KIAA0586: variants seen among roughly 807,000 people sequenced by gnomAD.
KIAA0586 encodes KIAA0586.
In KIAA0586, 144 loss-of-function variants were observed where a neutral mutation model predicts 169.8. The ratio of observed to expected loss-of-function variants is 0.85; its 90% confidence interval spans 0.74 to 0.97. The LOEUF (loss-of-function observed/expected upper bound fraction) is 0.97, where lower values mean the gene tolerates loss of function less well. KIAA0586 is among the 50% of genes least tolerant of loss of function. The pLI is 0.00. For missense variants in KIAA0586, 1,854 were observed against 1,823.0 expected (o/e 1.02, Z -0.31); for synonymous variants, 625 against 612.4 (o/e 1.02, Z -0.30).
intron 26 of KIAA0586, among the ~76,000 whole-genome samples, chr14:58,493,223 A>G (rs2042940168): frequency 6.6e-6 from 1 of 152,190 alleles, no homozygotes; most frequent in Non-Finnish European, 1.5e-5. Context: ...TGAGAGAGGT[A>G]AAGAAGCTTT....
chr14:58,465,124 T>C (rs1468454371), intron 14 of KIAA0586, among the ~76,000 whole-genome samples: 2 of 152,164 alleles, frequency 1.3e-5, no homozygotes, highest in East Asian at 3.8e-4. Flanking sequence ...TCTCAAACTT[T>C]CCATTAATAT....
At chr14:58,526,876 C>CT (rs1017671737) in intron 29 of KIAA0586, among the ~76,000 whole-genome samples, 1 of 152,134 alleles carries the variant, frequency 6.6e-6, no homozygotes, top group Non-Finnish European at 1.5e-5. Context: ...CCTAAATAGT[C>CT]TGAGTATATT....
rs560829355 is a variant in KIAA0586, at chr14:58,526,501, A to G, written c.4430-13570A>G. On this transcript the variant is annotated intron_variant, in intron 29 of 30. Coordinates refer to ENST00000652326, the MANE Select transcript of KIAA0586 (RefSeq NM_001329943.3). The stretch of plus-strand genomic sequence containing the variant: ...GTAGAAGGAAAACTAACAGAAAGGA[A>G]TAGCATCAACATCAACATAAAAGGA... Among the ~76,000 whole-genome samples the G allele has an allele frequency of 6.6e-5, 10 of 152,328 alleles. No homozygotes were observed. In the South Asian group the frequency reaches 2.1e-3, roughly 32 times the overall value.
At chr14:58,528,739 G>T (rs951344369) in intron 29 of KIAA0586, among the ~76,000 whole-genome samples, 3 of 152,064 alleles carry the variant, frequency 2.0e-5, no homozygotes, top group African/African-American at 7.2e-5. Flanking sequence ...CTAAATGCCC[G>T]CAGGAGAAAG....
chr14:58,544,542 C>G (rs1447001314), intron 30 of KIAA0586, among the ~76,000 whole-genome samples: 1 of 152,120 alleles, frequency 6.6e-6, no homozygotes, highest in Non-Finnish European at 1.5e-5. Context: ...TATTTTTTGG[C>G]CTTTTAATAA....
intron 9 of KIAA0586, among the ~76,000 whole-genome samples, chr14:58,455,386 T>C (rs1188460711): frequency 6.6e-6 from 1 of 152,260 alleles, no homozygotes; most frequent in Non-Finnish European, 1.5e-5. Flanking sequence ...TTCCAGTTTC[T>C]TTGTATGTCT....
At chr14:58,520,262 A>G (rs567219850) in intron 29 of KIAA0586, among the ~76,000 whole-genome samples, 8 of 152,332 alleles carry the variant, frequency 5.3e-5, no homozygotes, top group African/African-American at 1.9e-4. Flanking sequence ...ATATGCAAAA[A>G]GTTGCTGAAT....
chr14:58,536,102 T>C (rs1200696059), intron 29 of KIAA0586, among the ~76,000 whole-genome samples: 1 of 152,184 alleles, frequency 6.6e-6, no homozygotes, highest in Non-Finnish European at 1.5e-5. Context: ...ATTTCAATTT[T>C]TTAAAAATAC....
At chr14:58,467,390 A>G (rs2040850514) in intron 15 of KIAA0586, among the ~76,000 whole-genome samples, 1 of 152,242 alleles carries the variant, frequency 6.6e-6, no homozygotes, top group Non-Finnish European at 1.5e-5. Flanking sequence ...TTCAACAAGT[A>G]CACTGTACTA....
intron 29 of KIAA0586, among the ~76,000 whole-genome samples, chr14:58,526,889 C>T (rs1442352374): frequency 6.6e-6 from 1 of 152,110 alleles, no homozygotes; most frequent in African/African-American, 2.4e-5. Context: ...AGTATATTGC[C>T]TTAATCAGAA....
In KIAA0586 at chr14:58,428,306, T is replaced by A. The variant is rs554948147; in HGVS notation, c.42T>A (p.Ile14=). The A allele has an allele frequency of 6.7e-4, 1,082 of 1,613,882 alleles. 10 individuals carry two copies. The South Asian group carries it at 9.5e-3, about 14-fold the overall frequency. ...TCAGCTTGGAGAAGAAAAAAAAGAT[T>A]AAGATGCCAGTGAAGAGACTTCGTG... ...SEVSLEKKKK[I]KMPVKRLREV... Residue 14 remains isoleucine (I), a synonymous_variant, in exon 1 of 31, where the codon ATT becomes ATA. Transcript: ENST00000652326.
intron 26 of KIAA0586, among the ~76,000 whole-genome samples, chr14:58,493,496 A>G (rs879375179): frequency 2.6e-5 from 4 of 152,180 alleles, no homozygotes; most frequent in Admixed American, 6.5e-5. Flanking sequence ...CTTCGCATGA[A>G]CAAATGTCAA....
intron 9 of KIAA0586, among the ~76,000 whole-genome samples, chr14:58,454,124 T>C (rs2039626552): frequency 6.6e-6 from 1 of 152,238 alleles, no homozygotes; most frequent in Non-Finnish European, 1.5e-5. Flanking sequence ...TAGTGCCTTC[T>C]TTTGTATTAG....
At chr14:58,442,906 T>A in intron 5 of KIAA0586, 26 bp downstream of exon 5, 1 of 1,550,112 alleles carries the variant, frequency 6.5e-7, no homozygotes, top group Non-Finnish European at 8.8e-7. Context: ...CAGATAATCA[T>A]AACTACTTTG....
chr14:58,462,749 A>C (rs1298248192), intron 14 of KIAA0586, among the ~76,000 whole-genome samples: 1 of 152,214 alleles, frequency 6.6e-6, no homozygotes, highest in Non-Finnish European at 1.5e-5. Context: ...TAATCTATAA[A>C]GACAAGAAGG....
intron 20 of KIAA0586, among the ~76,000 whole-genome samples, chr14:58,479,870 A>G (rs1183393207): frequency 2.0e-5 from 3 of 152,170 alleles, no homozygotes; most frequent in Non-Finnish European, 2.9e-5. Flanking sequence ...TGGACTTTGT[A>G]TCCTGTCTCA....
chr14:58,500,434 C>T (rs1365887123), intron 27 of KIAA0586, among the ~76,000 whole-genome samples: 2 of 152,030 alleles, frequency 1.3e-5, no homozygotes, highest in African/African-American at 2.4e-5. Flanking sequence ...AGGCCAGATG[C>T]AGTGGCTCAC....
At chr14:58,466,652 T>C (rs1041861902) in intron 15 of KIAA0586, among the ~76,000 whole-genome samples, 3 of 152,096 alleles carry the variant, frequency 2.0e-5, no homozygotes, top group Non-Finnish European at 2.9e-5. Context: ...ATCCCTTCAG[T>C]CCAGGAGTTT....
rs376402457 is a variant in KIAA0586, at chr14:58,547,698, A to C, written c.4496-83A>C. ...TTGGAATCCGCGCCCCCCCACCCCAACCTCATATTATTTCGCAAAGCATAA... is the reference window on the plus strand; with the variant it reads ...TTGGAATCCGCGCCCCCCCACCCCACCCTCATATTATTTCGCAAAGCATAA... On this transcript the variant is annotated intron_variant, in intron 30 of 30. Transcript: ENST00000652326. 159 of 913,334 alleles carry C rather than the reference A, an allele frequency of 1.7e-4. No homozygotes were observed. In the African/African-American group the frequency reaches 1.9e-3, roughly 11 times the overall value. 56.6% of individuals were successfully genotyped at this position (913,334 alleles called of 1,614,324 possible). A position where few individuals can be genotyped will look rare whatever the true frequency, so the allele number is the denominator to read the frequency against.
Sources: gnomAD v4.1 joint callset for allele counts (sites outside exome capture counted in the v4.1 genomes callset) on GRCh38, gnomAD v4.1.1 for gene constraint, MANE v1.5 for transcripts, NCBI Gene and HGNC (gene_info 2026-07-23, HGNC 2026-07-21) for gene names.